XKR3: variants seen among roughly 807,000 people sequenced by gnomAD.
XKR3 encodes XK related 3.
Under a neutral mutation model 40.3 loss-of-function variants are expected in XKR3, and 27 were observed. The ratio of observed to expected loss-of-function variants is 0.67; its 90% CI spans 0.49 to 0.92. The LOEUF (loss-of-function observed/expected upper bound fraction) is 0.92, where lower values mean the gene tolerates loss of function less well. XKR3 is among the 40% of genes least tolerant of loss of function. The pLI is 0.00. For missense variants in XKR3, 472 were observed against 537.6 expected (o/e 0.88, Z 1.21); for synonymous variants, 193 against 195.4 (o/e 0.99, Z 0.10).
At chr22:16,795,695 G>A (rs2060137577) in intron 3 of XKR3, among the ~76,000 whole-genome samples, 1 of 152,050 alleles carries the variant, frequency 6.6e-6, no homozygotes, top group South Asian at 2.1e-4. Context: ...GGCTGCGTAT[G>A]ATGACTCACC....
chr22:16,788,006 C>T (rs377334314), intron 3 of XKR3, among the ~76,000 whole-genome samples: 1 of 152,144 alleles, frequency 6.6e-6, no homozygotes, highest in African/African-American at 2.4e-5. Flanking sequence ...AGTTACAGAA[C>T]TATCCATCCA....
intron 1 of XKR3, among the ~76,000 whole-genome samples, chr22:16,819,925 TAAG>T (rs985617333): frequency 2.6e-5 from 4 of 152,144 alleles, no homozygotes; most frequent in Non-Finnish European, 5.9e-5. Context: ...GACATTTCAT[TAAG>T]AAGGATATAA....
rs371698400 is a variant in XKR3 at position 16,795,825 on chromosome 22, G to A, written c.589+3946C>T. On this transcript the variant is annotated intron_variant, in intron 3 of 3. Coordinates refer to ENST00000684488, the MANE Select transcript of XKR3 (RefSeq NM_001386955.1). ...CTACTAAAAATAGAAAAATTAACCA[G>A]GCATGGTGGTACATGCCTGTAATCC... Among the ~76,000 whole-genome samples, 454 of 152,142 alleles carry A rather than the reference G, an allele frequency of 3.0e-3. 1 individual carries two copies. The highest frequency in any genetic ancestry group is 9.9e-3 in the African/African-American group (411 of 41,514).
Position 16,785,239 on chromosome 22 carries a change from C to T in XKR3, c.590-830G>A, listed in dbSNP as rs1369671629. Among the ~76,000 whole-genome samples, 10 of 152,114 alleles carry T rather than the reference C, an allele frequency of 6.6e-5. No individual in the cohort carries two copies. In the South Asian group the frequency reaches 2.1e-3, roughly 32 times the overall value. On this transcript the variant is annotated intron_variant, in intron 3 of 3. Coordinates refer to ENST00000684488, the MANE Select transcript of XKR3 (RefSeq NM_001386955.1). ...GGCTGAGGAAGGAGAACGGCATGAA[C>T]CCGGGAGGCGGAGCTTGCAGTGAGC...
intron 1 of XKR3, among the ~76,000 whole-genome samples, chr22:16,823,734 T>C (rs1020529082): frequency 7.9e-5 from 12 of 151,980 alleles, no homozygotes; most frequent in African/African-American, 2.9e-4. Context: ...TCTCCAGCAA[T>C]GGAGAGATCA....
intron 1 of XKR3, among the ~76,000 whole-genome samples, chr22:16,820,856 A>T (rs2060252563): frequency 6.6e-6 from 1 of 152,192 alleles, no homozygotes; most frequent in Non-Finnish European, 1.5e-5. Context: ...AAGCAAACCT[A>T]ACAGATGCTA....
intron 1 of XKR3, among the ~76,000 whole-genome samples, chr22:16,809,401 A>T (rs1056850295): frequency 3.3e-5 from 5 of 152,182 alleles, no homozygotes; most frequent in Non-Finnish European, 5.9e-5. Flanking sequence ...GTATTAAAAA[A>T]ACCATATTTT....
rs1165723175 is a variant in XKR3, at chr22:16,808,129, T to A, written c.-10-46A>T. On this transcript the variant is annotated intron_variant, in intron 1 of 3. Coordinates refer to ENST00000684488, the MANE Select transcript of XKR3 (RefSeq NM_001386955.1). Reference sequence around the variant, plus strand: ...TGTCAGTGAATCCAGTAGAGTTCAGTATTAAATTTAAACAGAAGTAAACAA... The same window carrying A: ...TGTCAGTGAATCCAGTAGAGTTCAGAATTAAATTTAAACAGAAGTAAACAA... The A allele has an allele frequency of 2.1e-6, 3 of 1,398,172 alleles. No individual in the cohort carries two copies. In the African/African-American group the frequency reaches 4.3e-5, roughly 20 times the overall value. The allele number at this position is 1,398,172 out of a possible 1,614,324, so 86.6% of individuals were successfully genotyped here.
At chr22:16,822,375 A>G (rs2060260442) in intron 1 of XKR3, among the ~76,000 whole-genome samples, 1 of 126,586 alleles carries the variant, frequency 7.9e-6, no homozygotes, top group Non-Finnish European at 1.7e-5. Context: ...CAAAGGCCAT[A>G]ATAGGAAATT....
intron 3 of XKR3, among the ~76,000 whole-genome samples, chr22:16,792,834 T>C (rs1210477935): frequency 2.0e-5 from 3 of 152,222 alleles, no homozygotes; most frequent in Non-Finnish European, 2.9e-5. Flanking sequence ...ACCTTCCTTT[T>C]ACATGTTGCA....
chr22:16,786,912 T>C (rs1229507129), intron 3 of XKR3, among the ~76,000 whole-genome samples: 2 of 152,110 alleles, frequency 1.3e-5, no homozygotes, highest in Admixed American at 6.5e-5. Context: ...AAGGTGCCAG[T>C]TGTGAGTGAC....
At position 16,808,036 on chromosome 22, in the gene XKR3, G is replaced by A. The variant is rs1192218170; in HGVS notation, c.38C>T (p.Thr13Ile). The A allele has an allele frequency of 1.2e-6, 2 of 1,611,888 alleles. No individual in the cohort carries two copies. The highest frequency in any genetic ancestry group is 2.2e-5 in the East Asian group (1 of 44,844). ...TTCTTTCGAAGATGAAACTCCTCCT[G>A]TGCTTTCTTCATCCATCTCTTCAAA... ...TVFEEMDEES[T>I]GGVSSSKEEI... Residue 13 changes from threonine (T) to isoleucine (I), a missense_variant, in exon 2 of 4, where the codon ACA becomes ATA. By Grantham distance (89) the Thr-to-Ile change is moderately conservative. Coordinates refer to ENST00000684488, the MANE Select transcript of XKR3 (RefSeq NM_001386955.1).
intron 1 of XKR3, among the ~76,000 whole-genome samples, chr22:16,822,061 G>C (rs2060259006): frequency 6.6e-6 from 1 of 151,972 alleles, no homozygotes; most frequent in Non-Finnish European, 1.5e-5. Context: ...AGATATAATA[G>C]ATCTTATAAA....
At chr22:16,818,017 C>T (rs1332460060) in intron 1 of XKR3, among the ~76,000 whole-genome samples, 1 of 151,978 alleles carries the variant, frequency 6.6e-6, no homozygotes, top group South Asian at 2.1e-4. Flanking sequence ...TTCATCTGTT[C>T]TTCATTGACC....
Position 16,783,596 on chromosome 22 carries a change from C to A in XKR3, c.*23G>T. On this transcript the variant is annotated 3_prime_UTR_variant, in exon 4 of 4. Coordinates refer to ENST00000684488, the MANE Select transcript of XKR3 (RefSeq NM_001386955.1). ...ACATTCAGCATCTTTACTCATTGTTCTGTGAAAGTATATATGTATATTTTA... is the reference window on the plus strand; with the variant it reads ...ACATTCAGCATCTTTACTCATTGTTATGTGAAAGTATATATGTATATTTTA... 4.6e-6 allele frequency: 7 copies of A among 1,507,098 alleles called. No individual in the cohort carries two copies. The highest frequency in any genetic ancestry group is 6.2e-6 in the Non-Finnish European group (7 of 1,127,974). The allele number at this position is 1,507,098 out of a possible 1,614,324, so 93.4% of individuals were successfully genotyped here. A position where few individuals can be genotyped will look rare whatever the true frequency, so the allele number is the denominator to read the frequency against.
intron 1 of XKR3, chr22:16,821,670 G>A (rs531958964): frequency 5.3e-5 from 8 of 151,956 alleles, no homozygotes; most frequent in African/African-American, 1.7e-4. Flanking sequence ...TCACTGATAC[G>A]TTCTGCATCA....
Position 16,807,850 on chromosome 22 carries a change from A to G in XKR3, c.224T>C (p.Ile75Thr), listed in dbSNP as rs2060196411. 6.2e-7 allele frequency: 1 copy of G among 1,613,990 alleles called. No individual in the cohort carries two copies. The highest frequency in any genetic ancestry group is 2.2e-5 in the East Asian group (1 of 44,854). ...AATTTGATCCAAAATTGCCCCCACA[A>G]TAATAAAGCTGATGGTAAATGACAT... ...FWMSFTISFIIVGAILDQIIL... is the reference protein window; with the variant it reads ...FWMSFTISFITVGAILDQIIL... The change falls in exon 2 of 4, where the codon ATT (isoleucine) becomes ACT (threonine). Residue 75 changes from isoleucine (I) to threonine (T), a missense_variant. Physicochemically the swap from Ile to Thr is moderately conservative, Grantham distance 89. Coordinates refer to ENST00000684488, the MANE Select transcript of XKR3 (RefSeq NM_001386955.1).
At chr22:16,805,349 A>T (rs2060185636) in intron 2 of XKR3, among the ~76,000 whole-genome samples, 1 of 152,216 alleles carries the variant, frequency 6.6e-6, no homozygotes, top group Admixed American at 6.5e-5. Context: ...AAAAGAAAAT[A>T]TTCAGAAATA....
intron 1 of XKR3, among the ~76,000 whole-genome samples, chr22:16,824,295 T>C (rs557713084): frequency 4.0e-5 from 6 of 151,456 alleles, no homozygotes; most frequent in Non-Finnish European, 8.8e-5. Context: ...TAATTACTTA[T>C]CTAGAGGCAC....
Sources: gnomAD v4.1 joint callset for allele counts (sites outside exome capture counted in the v4.1 genomes callset) on GRCh38, gnomAD v4.1.1 for gene constraint, MANE v1.5 for transcripts, NCBI Gene and HGNC (gene_info 2026-07-23, HGNC 2026-07-21) for gene names.